The following RFFL variants were observed in gnomAD, a reference collection of about 807,000 sequenced individuals.
The protein encoded by RFFL is ring finger and FYVE like domain containing E3 ubiquitin protein ligase, also known as E3 ubiquitin-protein ligase rififylin.
In RFFL, 16 loss-of-function variants were observed where a neutral mutation model predicts 40.4. That is an observed-to-expected ratio of 0.40 (90% CI 0.27 to 0.60). The LOEUF is 0.60. RFFL is among the 20% of genes least tolerant of loss of function. The pLI, the probability that RFFL is intolerant of heterozygous loss-of-function variation, is 0.47. For missense variants in RFFL, 367 were observed against 451.7 expected, an observed-to-expected ratio of 0.81 and a Z score of 1.70; for synonymous variants, 154 against 167.9, an observed-to-expected ratio of 0.92 and a Z score of 0.64.
rs376072821 is a variant in RFFL at position 35,017,652 on chromosome 17, A to G, written c.592-46T>C. 12 of 1,286,180 alleles carry G rather than the reference A, an allele frequency of 9.3e-6. No homozygotes were observed. In the African/African-American group the frequency reaches 1.2e-4, roughly 13 times the overall value. 79.7% of individuals were successfully genotyped at this position (1,286,180 alleles called of 1,614,324 possible). A position where few individuals can be genotyped will look rare whatever the true frequency, so the allele number is the denominator to read the frequency against. On this transcript the variant is annotated intron_variant, in intron 3 of 6. Transcript: ENST00000394597. ...CATCACATCTAGAGATGTCCCAGAG[A>G]TCTGCATAGCATGGGCCTCTTTTCA...
At chr17:35,061,396 G>A (rs1398173781) in intron 1 of RFFL, among the ~76,000 whole-genome samples, 3 of 152,104 alleles carry the variant, frequency 2.0e-5, no homozygotes, top group Non-Finnish European at 4.4e-5. Flanking sequence ...AATCTTTGAA[G>A]AGTACAGGCC....
At chr17:35,051,786 A>C (rs1164201248) in intron 1 of RFFL, among the ~76,000 whole-genome samples, 1 of 152,232 alleles carries the variant, frequency 6.6e-6, no homozygotes, top group East Asian at 1.9e-4. Flanking sequence ...TGACTGAGAC[A>C]GTTAAACAGC....
intron 1 of RFFL, among the ~76,000 whole-genome samples, chr17:35,075,759 T>C (rs538696780): frequency 6.6e-6 from 1 of 152,260 alleles, no homozygotes; most frequent in South Asian, 2.1e-4. Context: ...AAACTAATAA[T>C]GCATCCTCGT....
chr17:35,013,434 T>A (rs1440587037), intron 6 of RFFL, among the ~76,000 whole-genome samples: 1 of 152,194 alleles, frequency 6.6e-6, no homozygotes, highest in African/African-American at 2.4e-5. Flanking sequence ...ATCTCCAATA[T>A]GTCTTAAATT....
At chr17:35,085,720 G>C (rs797990) in intron 1 of RFFL, among the ~76,000 whole-genome samples, 1 of 151,986 alleles carries the variant, frequency 6.6e-6, no homozygotes, top group Admixed American at 6.6e-5. Context: ...GAGCCACTGC[G>C]CCCAGCCAAG....
chr17:35,050,195 G>A (rs2091224087), intron 1 of RFFL, among the ~76,000 whole-genome samples: 1 of 152,048 alleles, frequency 6.6e-6, no homozygotes, highest in African/African-American at 2.4e-5. Flanking sequence ...GCAGTGAACT[G>A]TGATTGCACC....
At chr17:35,022,441 A>T (rs993107412) in intron 2 of RFFL, among the ~76,000 whole-genome samples, 20 of 152,186 alleles carry the variant, frequency 1.3e-4, no homozygotes, top group African/African-American at 4.8e-4. Context: ...TCTATATGCT[A>T]GCTTGTCATT....
chr17:35,038,244 G>A (rs1048694049), intron 1 of RFFL, among the ~76,000 whole-genome samples: 20 of 137,924 alleles, frequency 1.5e-4, no homozygotes, highest in Non-Finnish European at 2.0e-4. Flanking sequence ...AACCCAGATC[G>A]CACCATTGCA....
intron 1 of RFFL, among the ~76,000 whole-genome samples, chr17:35,075,986 C>CTTTTTTT (rs35996071): frequency 1.4e-4 from 11 of 80,024 alleles, no homozygotes; most frequent in African/African-American, 2.2e-4. Context: ...TCAATTTATT[C>CTTTTTTT]TTTTTTTTTT....
upstream of RFFL, among the ~76,000 whole-genome samples, chr17:35,067,041 G>GA (rs2091324108): frequency 6.6e-6 from 1 of 151,730 alleles, no homozygotes; most frequent in African/African-American, 2.4e-5. Context: ...GGTGCTTATT[G>GA]AAAATGAACA....
chr17:35,068,368 G>A (rs962123552), upstream of RFFL, among the ~76,000 whole-genome samples: 1 of 152,232 alleles, frequency 6.6e-6, no homozygotes, highest in Non-Finnish European at 1.5e-5. Context: ...CTGGGAGATA[G>A]AGGCTGTCGC....
intron 1 of RFFL, among the ~76,000 whole-genome samples, chr17:35,061,877 A>C (rs2091293288): frequency 6.6e-6 from 1 of 151,596 alleles, no homozygotes. Flanking sequence ...ATGGGGTTTC[A>C]CCATGTTAGC....
rs547527932 is a variant in RFFL at position 35,015,230 on chromosome 17, G to A, written c.887-467C>T. Among the ~76,000 whole-genome samples the A allele has an allele frequency of 3.3e-5, 5 of 152,336 alleles. 1 individual carries two copies. The South Asian group carries it at 1.0e-3, about 32-fold the overall frequency. ...GATCCACCTGCCTCAGCCTCCCAGAGTGCTGGGATTACAGGCATAAGCCAA... is the reference window on the plus strand; with the variant it reads ...GATCCACCTGCCTCAGCCTCCCAGAATGCTGGGATTACAGGCATAAGCCAA... On this transcript the variant is annotated intron_variant, in intron 5 of 6. Transcript: ENST00000394597.
intron 1 of RFFL, among the ~76,000 whole-genome samples, chr17:35,030,598 C>A (rs1010408279): frequency 2.0e-5 from 3 of 152,046 alleles, no homozygotes; most frequent in East Asian, 3.9e-4. Context: ...CCATGCCCAG[C>A]CAATTTTTGT....
At chr17:35,015,675 C>T (rs542529784) in intron 5 of RFFL, among the ~76,000 whole-genome samples, 1 of 152,304 alleles carries the variant, frequency 6.6e-6, no homozygotes, top group Admixed American at 6.5e-5. Flanking sequence ...ACCAAATCAA[C>T]TGGGGATGGG....
chr17:35,031,886 G>A (rs1313720160), intron 1 of RFFL, among the ~76,000 whole-genome samples: 1 of 151,938 alleles, frequency 6.6e-6, no homozygotes, highest in African/African-American at 2.4e-5. Context: ...ACGAGGTCAG[G>A]AGACCAAGAC....
Position 35,006,282 on chromosome 17 carries a change from C to T in RFFL, c.*5686G>A, listed in dbSNP as rs2090894700. ...AGCAATTGAAATGAAGCTGGCACAACTAAGGAACTGAAGTTCTTATTTTAA... is the reference window on the plus strand; with the variant it reads ...AGCAATTGAAATGAAGCTGGCACAATTAAGGAACTGAAGTTCTTATTTTAA... On this transcript the variant is annotated 3_prime_UTR_variant, in exon 7 of 7. Coordinates refer to ENST00000394597, the MANE Select transcript of RFFL (RefSeq NM_001017368.2). The T allele has an allele frequency of 1.3e-5, 2 of 155,376 alleles. No homozygotes were observed. Among genetic ancestry groups the T allele is most frequent in the African/African-American group, 4.8e-5 (2 of 41,470 alleles). The allele number at this position is 155,376 out of a possible 1,614,324, so 9.6% of individuals were successfully genotyped here.
intron 6 of RFFL, 96 bp downstream of exon 6, chr17:35,014,644 A>G: frequency 8.3e-7 from 1 of 1,204,258 alleles, no homozygotes; most frequent in Non-Finnish European, 1.2e-6. Flanking sequence ...GGGGGCTCAA[A>G]TGCTCAGAAT....
intron 1 of RFFL, among the ~76,000 whole-genome samples, chr17:35,057,084 A>T (rs903644281): frequency 2.0e-5 from 3 of 151,576 alleles, no homozygotes; most frequent in Non-Finnish European, 2.9e-5. Flanking sequence ...CCTGGCTAAA[A>T]TTTTTTATAT....
Sources: gnomAD v4.1 joint callset for allele counts (sites outside exome capture counted in the v4.1 genomes callset) on GRCh38, gnomAD v4.1.1 for gene constraint, MANE v1.5 for transcripts, NCBI Gene and HGNC (gene_info 2026-07-23, HGNC 2026-07-21) for gene names.